MACROD2: variants seen among roughly 807,000 people sequenced by gnomAD.
The protein encoded by MACROD2 is ADP-ribose glycohydrolase MACROD2.
Under a neutral mutation model 70.4 loss-of-function variants are expected in MACROD2, and 36 were observed. The ratio of observed to expected loss-of-function variants is 0.51; its 90% CI spans 0.39 to 0.68. The LOEUF (loss-of-function observed/expected upper bound fraction) is 0.68, where lower values mean the gene tolerates loss of function less well. Ranked by LOEUF, MACROD2 falls within the 30% of genes least tolerant of loss-of-function variation. The pLI, the probability that MACROD2 is intolerant of heterozygous loss-of-function variation, is 0.00. For missense variants in MACROD2, 496 were observed against 538.4 expected (o/e 0.92, Z 0.78); for synonymous variants, 172 against 178.8 (o/e 0.96, Z 0.30).
At chr20:16,024,033 G>A (rs2067041713) in intron 15 of MACROD2, among the ~76,000 whole-genome samples, 1 of 152,190 alleles carries the variant, frequency 6.6e-6, no homozygotes, top group African/African-American at 2.4e-5. Context: ...GTGGGCTGGG[G>A]TGATGGCCCA....
chr20:15,412,647 A>G (rs1354557365), intron 6 of MACROD2, among the ~76,000 whole-genome samples: 1 of 152,176 alleles, frequency 6.6e-6, no homozygotes, highest in East Asian at 1.9e-4. Context: ...TACCATTTAA[A>G]TTATCGAGAC....
chr20:14,404,696 G>C (rs1371703431), intron 3 of MACROD2, among the ~76,000 whole-genome samples: 1 of 152,040 alleles, frequency 6.6e-6, no homozygotes, highest in Non-Finnish European at 1.5e-5. Context: ...AGAGAAGAAA[G>C]ACATGACCTA....
chr20:16,044,693 T>C (rs991718033), intron 17 of MACROD2, 54 bp downstream of exon 17: 1 of 1,508,248 alleles, frequency 6.6e-7, no homozygotes, highest in South Asian at 1.1e-5. Flanking sequence ...ATAAGAACTA[T>C]TTGCAAATGA....
intron 4 of MACROD2, among the ~76,000 whole-genome samples, chr20:14,533,623 T>C (rs551820618): frequency 6.6e-6 from 1 of 152,368 alleles, no homozygotes; most frequent in South Asian, 2.1e-4. Context: ...AAGATTCTCA[T>C]GTATTCCAGA....
chr20:15,220,968 C>T (rs1022768972), intron 5 of MACROD2, among the ~76,000 whole-genome samples: 3 of 152,044 alleles, frequency 2.0e-5, no homozygotes, highest in East Asian at 1.9e-4. Context: ...TGTGGTGGCA[C>T]GGGAGTGGTA....
chr20:14,615,562 G>C (rs1337121437), intron 4 of MACROD2, among the ~76,000 whole-genome samples: 2 of 152,094 alleles, frequency 1.3e-5, no homozygotes, highest in African/African-American at 2.4e-5. Flanking sequence ...CCTGGTATAG[G>C]AAACAATAGA....
chr20:14,713,979 GT>G, intron 5 of MACROD2, among the ~76,000 whole-genome samples: 1 of 152,232 alleles, frequency 6.6e-6, no homozygotes, highest in East Asian at 1.9e-4. Context: ...CTTAACAAAA[GT>G]GTAAAGAAGA....
intron 5 of MACROD2, among the ~76,000 whole-genome samples, chr20:15,216,484 C>T (rs563051255): frequency 6.6e-5 from 10 of 152,036 alleles, no homozygotes; most frequent in South Asian, 6.2e-4. Context: ...CTTTTTCTCA[C>T]AGTAGACGTG....
At chr20:15,502,735 G>A (rs2047379961) in intron 8 of MACROD2, among the ~76,000 whole-genome samples, 2 of 152,120 alleles carry the variant, frequency 1.3e-5, no homozygotes, top group African/African-American at 4.8e-5. Flanking sequence ...TAGGACTAGA[G>A]GATTGTTTTC....
intron 5 of MACROD2, among the ~76,000 whole-genome samples, chr20:15,070,111 C>T (rs563123478): frequency 1.4e-3 from 212 of 152,264 alleles, no homozygotes; most frequent in African/African-American, 4.8e-3. Flanking sequence ...CACCAGTGTG[C>T]TTAGGATGAA....
intron 8 of MACROD2, among the ~76,000 whole-genome samples, chr20:15,622,116 G>C (rs941697845): frequency 1.3e-5 from 2 of 152,154 alleles, no homozygotes. Flanking sequence ...GTCTTGAACG[G>C]AACAGTTGTT....
At position 14,721,335 on chromosome 20, in the gene MACROD2, G is replaced by A. The variant is rs1108642; in HGVS notation, c.418+36376G>A. 8.2e-3 allele frequency among the ~76,000 whole-genome samples: 1,246 copies of A among 151,440 alleles called. 52 individuals are homozygous for A. In the East Asian group the frequency reaches 0.11, roughly 14 times the overall value. ...GGATACACAACTATGTTTGCACAAC[G>A]CTCAATTTGGCATAATTATAAATTG... On this transcript the variant is annotated intron_variant, in intron 5 of 17. Transcript: ENST00000684519.
chr20:14,110,154 C>T (rs2054429584), intron 3 of MACROD2, among the ~76,000 whole-genome samples: 1 of 151,784 alleles, frequency 6.6e-6, no homozygotes, highest in African/African-American at 2.4e-5. Context: ...GATGCTGAAA[C>T]AGCATTTGAT....
chr20:14,575,981 G>A (rs1665375546), intron 4 of MACROD2, among the ~76,000 whole-genome samples: 1 of 152,042 alleles, frequency 6.6e-6, no homozygotes, highest in Admixed American at 6.5e-5. Context: ...CTATATCATG[G>A]GCACCTAAAT....
intron 8 of MACROD2, among the ~76,000 whole-genome samples, chr20:15,696,276 C>CT (rs2050370107): frequency 6.6e-6 from 1 of 152,120 alleles, no homozygotes; most frequent in Non-Finnish European, 1.5e-5. Flanking sequence ...TTGTGGAATG[C>CT]TTGTTCTGCA....
chr20:16,046,654 C>T (rs911363796), intron 17 of MACROD2, among the ~76,000 whole-genome samples: 5 of 143,814 alleles, frequency 3.5e-5, no homozygotes, highest in African/African-American at 1.3e-4. Context: ...TATGTTAACC[C>T]AAATGAATCA....
intron 5 of MACROD2, among the ~76,000 whole-genome samples, chr20:14,785,768 C>T (rs900273496): frequency 6.6e-6 from 1 of 152,062 alleles, no homozygotes; most frequent in African/African-American, 2.4e-5. Flanking sequence ...GATCCATGAT[C>T]ATTAGGGACC....
chr20:15,516,347 T>C (rs539294686), intron 8 of MACROD2, among the ~76,000 whole-genome samples: 1 of 152,308 alleles, frequency 6.6e-6, no homozygotes, highest in South Asian at 2.1e-4. Flanking sequence ...TTCAAAAGCC[T>C]CTCAGTCTTT....
chr20:15,679,152 G>A lies in MACROD2; in HGVS notation c.645+179305G>A, dbSNP rs528386450. On this transcript the variant is annotated intron_variant, in intron 8 of 17. Coordinates refer to ENST00000684519, the MANE Select transcript of MACROD2 (RefSeq NM_001351661.2). ...CTTGGGAGGCTAAGGCAGGAGAATCGCTGGAACCTGGGAGGTGGAGGTTGC... is the reference window on the plus strand; with the variant it reads ...CTTGGGAGGCTAAGGCAGGAGAATCACTGGAACCTGGGAGGTGGAGGTTGC... Among the ~76,000 whole-genome samples the A allele has an allele frequency of 3.4e-4, 51 of 151,460 alleles. No homozygotes were observed. In the East Asian group the frequency reaches 4.5e-3, roughly 13 times the overall value.
Sources: gnomAD v4.1 joint callset for allele counts (sites outside exome capture counted in the v4.1 genomes callset) on GRCh38, gnomAD v4.1.1 for gene constraint, MANE v1.5 for transcripts, NCBI Gene and HGNC (gene_info 2026-07-23, HGNC 2026-07-21) for gene names.